The following TBC1D17 variants were observed in gnomAD, a reference collection of about 807,000 sequenced individuals.
TBC1D17 encodes TBC1 domain family, member 17.
A neutral mutation model predicts 78.8 loss-of-function variants in TBC1D17; 69 were observed. The observed-to-expected ratio is 0.88, with a 90% CI of 0.72 to 1.07. The LOEUF (loss-of-function observed/expected upper bound fraction) is 1.07, where lower values mean the gene tolerates loss of function less well. TBC1D17 is among the 50% of genes least tolerant of loss of function. The pLI is 0.00. For synonymous variants in TBC1D17, 456 were observed against 358.3 expected (o/e 1.27, Z -3.08); for missense variants, 957 against 861.0 (o/e 1.11, Z -1.39).
chr19:49,878,438 G>C (rs901907473), intron 2 of TBC1D17, 60 bp from the exon 3 acceptor site: 1 of 1,519,960 alleles, frequency 6.6e-7, no homozygotes, highest in Middle Eastern at 1.7e-4. Context: ...ATTTGCAACG[G>C]AAAGTTTTGG....
rs2075010818 is a variant in TBC1D17 at position 49,881,338 on chromosome 19, C to T, written c.390C>T (p.Arg130=). 2 of 1,613,242 alleles carry T rather than the reference C, an allele frequency of 1.2e-6. No homozygotes were observed. Among genetic ancestry groups the T allele is most frequent in the Admixed American group, 3.3e-5 (2 of 59,990 alleles). ...GTCTGGGGGAGCTAAAGTCCATCCG[C>T]CGCTCCAAGCCAGGCCTCAGCTGGG... ...SVSLGELKSI[R]RSKPGLSWAY... is the part of the protein sequence containing the mutation. The change falls in exon 5 of 17, where the codon CGC becomes CGT. Residue 130 remains arginine, a synonymous_variant. Coordinates refer to ENST00000221543, the MANE Select transcript of TBC1D17 (RefSeq NM_024682.3).
chr19:49,883,586 G>A (rs2075034280), intron 9 of TBC1D17, 65 bp from the exon 10 acceptor site: 2 of 1,479,644 alleles, frequency 1.4e-6, no homozygotes, highest in Admixed American at 1.7e-5. Flanking sequence ...GTGGCGCCAG[G>A]CTTGGAGGTC....
rs1331140085 is a variant in TBC1D17 at position 49,878,136 on chromosome 19, A to C, written c.22-7A>C. The C allele has an allele frequency of 2.5e-6, 4 of 1,571,250 alleles. No homozygotes were observed. The Admixed American group carries it at 5.6e-5, about 22-fold the overall frequency. The stretch of plus-strand genomic sequence containing the variant: ...GCCCCAGCCCTCGCTGGTTCCCCCC[A>C]ACTCAGGTGGTGTTTGAGAAGGGCG... On this transcript the variant is annotated splice_region_variant and splice_polypyrimidine_tract_variant and intron_variant, in intron 1 of 16. Transcript: ENST00000221543.
rs1015450176 is a variant in TBC1D17 at position 49,884,767 on chromosome 19, C to T, written c.1444+9C>T. ...GCTCTGCGACTTCCTGGGTATGTCTCTCGGGAGGGTGGGCAGGAGACAATG... is the reference window on the plus strand; with the variant it reads ...GCTCTGCGACTTCCTGGGTATGTCTTTCGGGAGGGTGGGCAGGAGACAATG... On this transcript the variant is annotated intron_variant, in intron 13 of 16. Coordinates refer to ENST00000221543, the MANE Select transcript of TBC1D17 (RefSeq NM_024682.3). 6.2e-7 allele frequency: 1 copy of T among 1,613,014 alleles called. No homozygotes were observed. Among genetic ancestry groups the T allele is most frequent in the African/African-American group, 1.3e-5 (1 of 74,896 alleles).
At chr19:49,883,228 A>C in intron 9 of TBC1D17, 152 bp downstream of exon 9, 1 of 670,712 alleles carries the variant, frequency 1.5e-6, no homozygotes, top group Non-Finnish European at 2.5e-6. Context: ...AGCCAGACCC[A>C]TCCTCACCCC....
rs2075034640 is a variant in TBC1D17 at position 49,883,629 on chromosome 19, C to G, written c.1032-22C>G. 3 of 1,609,886 alleles carry G rather than the reference C, an allele frequency of 1.9e-6. No homozygotes were observed. In the East Asian group the frequency reaches 6.7e-5, roughly 36 times the overall value. The stretch of plus-strand genomic sequence containing the variant: ...GTTGCAGACAGTGGCGGCCTCACAT[C>G]TTGTTTCCCTCTGTCACTCAGGGAT... On this transcript the variant is annotated intron_variant, in intron 9 of 16. Transcript: ENST00000221543.
At position 49,882,900 on chromosome 19, in the gene TBC1D17, C is replaced by A; in HGVS notation, c.927+8C>A. On this transcript the variant is annotated splice_region_variant and intron_variant, in intron 8 of 16. Transcript: ENST00000221543. Reference sequence around the variant, plus strand: ...AACCGGATCTTCTCGGGGGTGAGTGCCAGGACAGGTGGAAGAATGGGGCAG... The same window carrying A: ...AACCGGATCTTCTCGGGGGTGAGTGACAGGACAGGTGGAAGAATGGGGCAG... 1 of 1,601,840 alleles carries A rather than the reference C, an allele frequency of 6.2e-7. No individual in the cohort carries two copies. Among genetic ancestry groups the A allele is most frequent in the Non-Finnish European group, 8.5e-7 (1 of 1,174,410 alleles).
At position 49,880,364 on chromosome 19, in the gene TBC1D17, C is replaced by T; in HGVS notation, c.281C>T (p.Thr94Ile). The T allele has an allele frequency of 5.0e-6, 8 of 1,614,030 alleles. No individual in the cohort carries two copies. The highest frequency in any genetic ancestry group is 6.8e-6 in the Non-Finnish European group (8 of 1,180,004). ...GAACCTGACTGGGCTGTCATCAGCA[C>T]TGTGCGGCCACAGCTCTGCCACTCA... The part of the protein sequence containing the change: ...GYEPDWAVIS[T>I]VRPQLCHSEP... Residue 94 changes from threonine (T) to isoleucine (I), a missense_variant, in exon 4 of 17, where the codon ACT becomes ATT. Transcript: ENST00000221543.
At chr19:49,888,003 C>T (rs2075075957) in intron 15 of TBC1D17, 169 bp downstream of exon 15, 2 of 915,386 alleles carry the variant, frequency 2.2e-6, no homozygotes, top group Admixed American at 2.5e-5. Flanking sequence ...CATGCCATGC[C>T]TGCTCCCAGC....
Position 49,883,719 on chromosome 19 carries a change from T to C in TBC1D17, c.1100T>C (p.Leu367Pro). 6.2e-7 allele frequency: 1 copy of C among 1,613,976 alleles called. No individual in the cohort carries two copies. The highest frequency in any genetic ancestry group is 8.5e-7 in the Non-Finnish European group (1 of 1,179,950). ...CCTGAGCAGGAGCGGAGAAACTCAC[T>C]TCTGCATGGATACCGCAGCCTCATC... ...VSPEQERRNSLLHGYRSLIER... is the reference protein window; with the variant it reads ...VSPEQERRNSPLHGYRSLIER... Residue 367 changes from leucine (L) to proline (P), a missense_variant, in exon 10 of 17, where the codon CTT becomes CCT. Coordinates refer to ENST00000221543, the MANE Select transcript of TBC1D17 (RefSeq NM_024682.3).
At chr19:49,879,719 G>A (rs963599360) in intron 3 of TBC1D17, among the ~76,000 whole-genome samples, 2 of 151,280 alleles carry the variant, frequency 1.3e-5, no homozygotes, top group African/African-American at 2.4e-5. Flanking sequence ...TGAGCACTCC[G>A]CAGCCTGACT....
chr19:49,883,109 A>G (rs372400571), intron 9 of TBC1D17, 33 bp downstream of exon 9: 14 of 1,573,208 alleles, frequency 8.9e-6, no homozygotes, highest in Admixed American at 3.6e-5. Flanking sequence ...CCTGCCAGGC[A>G]TGACACCTGG....
At chr19:49,883,800 C>T (rs1330108367) in intron 10 of TBC1D17, 55 bp downstream of exon 10, 2 of 1,490,604 alleles carry the variant, frequency 1.3e-6, no homozygotes, top group African/African-American at 2.8e-5. Context: ...CACAGGAGGG[C>T]CTCAGGCATA....
At chr19:49,881,555 AG>A in intron 5 of TBC1D17, 80 bp downstream of exon 5, 2 of 1,371,300 alleles carry the variant, frequency 1.5e-6, no homozygotes, top group Non-Finnish European at 2.0e-6. Context: ...GGGCTGTGAA[AG>A]AAACACAACT....
rs765271670 is a variant in TBC1D17 at position 49,881,273 on chromosome 19, G to A, written c.325G>A (p.Glu109Lys). The A allele has an allele frequency of 8.1e-6, 13 of 1,612,726 alleles. No homozygotes were observed. The highest frequency in any genetic ancestry group is 1.1e-5 in the Non-Finnish European group (13 of 1,179,750). ...LCHSEPTRGA[E>K]PSCPQGSWAF... The stretch of plus-strand genomic sequence containing the variant: ...ACACAGTGCCGTCTCCCTAGGTGCA[G>A]AGCCCAGCTGCCCCCAGGGCTCCTG... The change falls in exon 5 of 17, where the codon GAG (glutamate) becomes AAG (lysine). Residue 109 changes from glutamate to lysine, a missense_variant. Glu to Lys is a moderately conservative substitution (Grantham distance 56, BLOSUM62 1). Coordinates refer to ENST00000221543, the MANE Select transcript of TBC1D17 (RefSeq NM_024682.3).
Position 49,881,388 on chromosome 19 carries a change from C to A in TBC1D17, c.440C>A (p.Ala147Asp). ...GCCTACCTGGTTCTGGTGACCCAGGCTGGAGGTTCCCTGCCCGCACTGCAC... is the reference window on the plus strand; with the variant it reads ...GCCTACCTGGTTCTGGTGACCCAGGATGGAGGTTCCCTGCCCGCACTGCAC... ...SWAYLVLVTQ[A>D]GGSLPALHFH... The change falls in exon 5 of 17, where the codon GCT becomes GAT. Residue 147 changes from alanine to aspartate, a missense_variant. Ala to Asp is a moderately radical substitution (Grantham distance 126). Transcript: ENST00000221543. The A allele has an allele frequency of 6.2e-7, 1 of 1,613,240 alleles. No individual in the cohort carries two copies. The highest frequency in any genetic ancestry group is 8.5e-7 in the Non-Finnish European group (1 of 1,179,992).
chr19:49,880,220 C>A (rs1403023278), intron 3 of TBC1D17, 59 bp from the exon 4 acceptor site: 6 of 1,595,460 alleles, frequency 3.8e-6, no homozygotes, highest in Non-Finnish European at 5.1e-6. Flanking sequence ...TCCAGGGTAG[C>A]CTCGAGGCTA....
At chr19:49,878,339 C>A in intron 2 of TBC1D17, 98 bp downstream of exon 2, 1 of 1,275,182 alleles carries the variant, frequency 7.8e-7, no homozygotes, top group Non-Finnish European at 1.1e-6. Flanking sequence ...TGGCGGTCAG[C>A]AGTGGGACCT....
At chr19:49,881,178 G>T in intron 4 of TBC1D17, 90 bp from the exon 5 acceptor site, 2 of 1,165,782 alleles carry the variant, frequency 1.7e-6, no homozygotes, top group East Asian at 2.6e-5. Context: ...CTCAGGAGAT[G>T]CCTGTGCCGA....
Sources: allele counts gnomAD v4.1 joint callset (sites outside exome capture counted in the v4.1 genomes callset), GRCh38; gene constraint gnomAD v4.1.1; transcripts MANE v1.5; gene names NCBI Gene and HGNC (gene_info 2026-07-23, HGNC 2026-07-21).